GAD1: variants seen among roughly 807,000 people sequenced by gnomAD.
GAD1 encodes the protein 67 kDa glutamic acid decarboxylase.
In GAD1, 35 loss-of-function variants were observed where a neutral mutation model predicts 75.2. That is an observed-to-expected ratio of 0.47 (90% confidence interval 0.36 to 0.62). The LOEUF (loss-of-function observed/expected upper bound fraction) is 0.62, where lower values mean the gene tolerates loss of function less well. Among genes scored for constraint, GAD1 ranks in the 20% least tolerant of loss-of-function variants. The probability of loss-of-function intolerance (pLI) is 0.00; values close to 1 mark genes in which losing one functional copy is unlikely to be tolerated. For synonymous variants in GAD1, 257 were observed against 271.9 expected (o/e 0.95, Z 0.54); for missense variants, 490 against 758.5 (o/e 0.65, Z 4.16).
intron 3 of GAD1, among the ~76,000 whole-genome samples, chr2:170,826,593 A>G (rs1575427149): frequency 6.8e-6 from 1 of 147,310 alleles, no homozygotes. Flanking sequence ...AAGCTGTGGC[A>G]TAACGATCGT....
chr2:170,860,207 G>A lies in GAD1; in HGVS notation c.*325G>A. ...AAGAGAATTCACTTTACCTTCAGCAGTTACCGAGGAGCTAAACATGCTGCC... is the reference window on the plus strand; with the variant it reads ...AAGAGAATTCACTTTACCTTCAGCAATTACCGAGGAGCTAAACATGCTGCC... On this transcript the variant is annotated 3_prime_UTR_variant, in exon 17 of 17. Coordinates refer to ENST00000358196, the MANE Select transcript of GAD1 (RefSeq NM_000817.3). The A allele has an allele frequency of 7.8e-6, 2 of 257,112 alleles. No homozygotes were observed. The highest frequency in any genetic ancestry group is 1.9e-4 in the East Asian group (2 of 10,624). 15.9% of individuals were successfully genotyped at this position (257,112 alleles called of 1,614,324 possible). A position where few individuals can be genotyped will look rare whatever the true frequency, so the allele number is the denominator to read the frequency against.
At chr2:170,844,313 A>G (rs972682288) in intron 7 of GAD1, among the ~76,000 whole-genome samples, 156 bp downstream of exon 7, 9 of 152,022 alleles carry the variant, frequency 5.9e-5, no homozygotes, top group Admixed American at 3.9e-4. Flanking sequence ...GCTACATTCT[A>G]TATGAATTAA....
At position 170,854,685 on chromosome 2, in the gene GAD1, G is replaced by T. The variant is rs370390356; in HGVS notation, c.1413+663G>T. Among the ~76,000 whole-genome samples the T allele has an allele frequency of 5.4e-4, 82 of 152,342 alleles. 2 individuals carry two copies. The South Asian group carries it at 0.017, about 31-fold the overall frequency. On this transcript the variant is annotated intron_variant, in intron 14 of 16. Transcript: ENST00000358196. ...CTCCCAAAGTGTTGGGATTACAGGC[G>T]TGAGCCACCGCGCCCGGCCCCTTGA...
upstream of GAD1, among the ~76,000 whole-genome samples, chr2:170,814,024 C>G (rs1701655496): frequency 6.6e-6 from 1 of 152,214 alleles, no homozygotes; most frequent in South Asian, 2.1e-4. Context: ...CCCCTCATCA[C>G]CGGTTCGAGT....
In GAD1 at chr2:170,853,656, A is replaced by C; in HGVS notation, c.1264-217A>C. On this transcript the variant is annotated intron_variant, in intron 13 of 16. Coordinates refer to ENST00000358196, the MANE Select transcript of GAD1 (RefSeq NM_000817.3). This position sits in a 1 kb window ranked among gnomAD's most constrained non-coding sequence, Gnocchi z 4.1. ...GAGGGATGGCATCTGAGACGGAAAG[A>C]TCATCTTCTAATCAGAGAGTCAGAG... The C allele has an allele frequency of 1.8e-6, 1 of 547,914 alleles. No homozygotes were observed. Among genetic ancestry groups the C allele is most frequent in the South Asian group, 2.0e-5 (1 of 50,988 alleles). The allele number at this position is 547,914 out of a possible 1,614,324, so 33.9% of individuals were successfully genotyped here.
upstream of GAD1, among the ~76,000 whole-genome samples, chr2:170,814,147 G>A (rs1701656907): frequency 6.6e-6 from 1 of 152,196 alleles, no homozygotes; most frequent in African/African-American, 2.4e-5. Flanking sequence ...GGTTTCAAAT[G>A]TTGTTTAGAG....
chr2:170,841,379 A>G (rs1170264017), intron 6 of GAD1, among the ~76,000 whole-genome samples: 1 of 152,130 alleles, frequency 6.6e-6, no homozygotes, highest in South Asian at 2.1e-4. Context: ...ATTTCCTAGG[A>G]TTCCCAAAGG....
intron 5 of GAD1, among the ~76,000 whole-genome samples, chr2:170,831,851 G>C (rs1191570375): frequency 6.8e-6 from 1 of 147,870 alleles, no homozygotes; most frequent in Non-Finnish European, 1.5e-5. Flanking sequence ...GGGCATGGTG[G>C]CGTGCACCTG....
chr2:170,822,287 C>T (rs1701907931), intron 3 of GAD1, 138 bp downstream of exon 3: 3 of 767,368 alleles, frequency 3.9e-6, no homozygotes, highest in South Asian at 3.2e-5. Context: ...CCAGGACAGC[C>T]AGCGACCACG....
intron 3 of GAD1, among the ~76,000 whole-genome samples, chr2:170,825,589 A>T (rs901430251): frequency 3.9e-5 from 6 of 152,184 alleles, no homozygotes; most frequent in Non-Finnish European, 7.4e-5. Context: ...AGCTACACAT[A>T]CCTGTGCGCA....
At chr2:170,830,640 A>T (rs1702198033) in intron 4 of GAD1, among the ~76,000 whole-genome samples, 1 of 151,888 alleles carries the variant, frequency 6.6e-6, no homozygotes, top group African/African-American at 2.4e-5. Context: ...CCTCCATCAC[A>T]CTCCTCACAG....
chr2:170,860,308 G>T lies in GAD1; in HGVS notation c.*426G>T. 1 of 183,230 alleles carries T rather than the reference G, an allele frequency of 5.5e-6. No individual in the cohort carries two copies. The highest frequency in any genetic ancestry group is 1.2e-5 in the Non-Finnish European group (1 of 85,598). 11.4% of individuals were successfully genotyped at this position (183,230 alleles called of 1,614,324 possible). On this transcript the variant is annotated 3_prime_UTR_variant, in exon 17 of 17. Transcript: ENST00000358196. ...CCTAGGGGCCGAGGGAAATGCTGTTGGTGAGAATCGACCTCACTGTCAGCG... is the reference window on the plus strand; with the variant it reads ...CCTAGGGGCCGAGGGAAATGCTGTTTGTGAGAATCGACCTCACTGTCAGCG...
rs750572051 is a variant in GAD1 at position 170,845,802 on chromosome 2, G to A, written c.947+17G>A. 1 of 1,610,190 alleles carries A rather than the reference G, an allele frequency of 6.2e-7. No individual in the cohort carries two copies. On this transcript the variant is annotated intron_variant, in intron 9 of 16. Coordinates refer to ENST00000358196, the MANE Select transcript of GAD1 (RefSeq NM_000817.3). Reference sequence around the variant, plus strand: ...CAATGAAAGGTAGGCAGGGGAGGGTGAATATTAGGTTCTTGATGTATTAAA... The same window carrying A: ...CAATGAAAGGTAGGCAGGGGAGGGTAAATATTAGGTTCTTGATGTATTAAA...
In GAD1 at chr2:170,845,494, G is replaced by T; in HGVS notation, c.752-12G>T. 1 of 1,609,746 alleles carries T rather than the reference G, an allele frequency of 6.2e-7. No individual in the cohort carries two copies. Among genetic ancestry groups the T allele is most frequent in the Non-Finnish European group, 8.5e-7 (1 of 1,177,114 alleles). ...AGCCCCAACACCTCCCAATATGTCC[G>T]CTTGCTGACAGGGGGCGCCATATCC... On this transcript the variant is annotated splice_polypyrimidine_tract_variant and intron_variant, in intron 7 of 16. Coordinates refer to ENST00000358196, the MANE Select transcript of GAD1 (RefSeq NM_000817.3).
Position 170,853,937 on chromosome 2 carries a change from A to T in GAD1, c.1328A>T (p.Asp443Val). Residue 443 changes from aspartate to valine, a missense_variant, in exon 14 of 17, where the codon GAT becomes GTT. Physicochemically the swap from Asp to Val is radical, Grantham distance 152. Transcript: ENST00000358196. This position sits in a 1 kb window ranked among gnomAD's most constrained non-coding sequence, Gnocchi z 4.1. ...CTCTTCCAGCCAGACAAGCAGTATG[A>T]TGTCTCCTACGACACCGGGGACAAG... is the stretch of plus-strand genomic sequence containing the variant. ...GYLFQPDKQY[D>V]VSYDTGDKAI... is the part of the protein sequence containing the mutation. The T allele has an allele frequency of 6.2e-7, 1 of 1,614,082 alleles. No homozygotes were observed. The highest frequency in any genetic ancestry group is 8.5e-7 in the Non-Finnish European group (1 of 1,179,976).
intron 14 of GAD1, among the ~76,000 whole-genome samples, chr2:170,856,617 CAACA>C (rs1378546460): frequency 3.3e-5 from 5 of 152,166 alleles, no homozygotes; most frequent in Non-Finnish European, 5.9e-5. Context: ...TTATTAGAGT[CAACA>C]GACAAAATCC....
At chr2:170,854,375 A>T (rs993013820) in intron 14 of GAD1, among the ~76,000 whole-genome samples, 54 of 149,250 alleles carry the variant, frequency 3.6e-4, no homozygotes, top group African/African-American at 1.3e-3. Context: ...TTACTGCATT[A>T]TTCTGAGTAG....
intron 3 of GAD1, among the ~76,000 whole-genome samples, chr2:170,824,941 T>TGTG (rs1559269904): frequency 1.3e-5 from 2 of 151,742 alleles, no homozygotes; most frequent in African/African-American, 4.9e-5. Context: ...TGTGTGTGTG[T>TGTG]GTGTGTGTGT....
chr2:170,854,738 G>A (rs1702815898), intron 14 of GAD1, among the ~76,000 whole-genome samples: 1 of 152,136 alleles, frequency 6.6e-6, no homozygotes, highest in Admixed American at 6.5e-5. Context: ...CTCAACATGG[G>A]CTATGTATGA....
Sources: gnomAD v4.1 joint callset for allele counts (sites outside exome capture counted in the v4.1 genomes callset) on GRCh38, gnomAD v4.1.1 for gene constraint, Gnocchi (gnomAD v3.1) non-coding constraint, MANE v1.5 for transcripts, NCBI Gene and HGNC (gene_info 2026-07-23, HGNC 2026-07-21) for gene names.